Variants in CTNNA2 observed in about 807,000 individuals in gnomAD.
The protein encoded by CTNNA2 is catenin alpha-2.
In CTNNA2, 42 loss-of-function variants were observed where a neutral mutation model predicts 101.0. The observed-to-expected ratio is 0.42, with a 90% CI of 0.32 to 0.54. CTNNA2 has a LOEUF of 0.54. Among genes scored for constraint, CTNNA2 ranks in the 20% least tolerant of loss-of-function variants. The pLI, the probability that CTNNA2 is intolerant of heterozygous loss-of-function variation, is 0.14. For missense variants in CTNNA2, 871 were observed against 1,223.1 expected, an observed-to-expected ratio of 0.71 and a Z score of 4.29; for synonymous variants, 450 against 456.4, an observed-to-expected ratio of 0.99 and a Z score of 0.18.
At chr2:79,291,608 A>G (rs1408446907) in intron 2 of CTNNA2, among the ~76,000 whole-genome samples, 1 of 152,136 alleles carries the variant, frequency 6.6e-6, no homozygotes, top group African/African-American at 2.4e-5. Flanking sequence ...CTCAAACTTA[A>G]TAAGCTCCCA....
chr2:79,623,679 C>A (rs1679130877), intron 1 of CTNNA2, among the ~76,000 whole-genome samples: 1 of 151,960 alleles, frequency 6.6e-6, no homozygotes, highest in African/African-American at 2.4e-5. Context: ...AATTGATGTC[C>A]CCTATTTTAA....
intron 17 of CTNNA2, among the ~76,000 whole-genome samples, chr2:80,618,177 C>T (rs752435041): frequency 1.3e-5 from 2 of 151,756 alleles, no homozygotes; most frequent in Non-Finnish European, 2.9e-5. Context: ...GAAAACTAGA[C>T]TTGGTAAATA....
intron 7 of CTNNA2, among the ~76,000 whole-genome samples, chr2:80,245,308 T>C (rs2149097114): frequency 6.6e-6 from 1 of 152,354 alleles, no homozygotes; most frequent in East Asian, 1.9e-4. Context: ...ATTTAGGGCA[T>C]ATTCCTAATC....
At chr2:80,344,626 G>A (rs1034633515) in intron 7 of CTNNA2, among the ~76,000 whole-genome samples, 4 of 152,048 alleles carry the variant, frequency 2.6e-5, no homozygotes, top group East Asian at 1.9e-4. Flanking sequence ...CTGAGACCAT[G>A]GCCCTGCGCC....
intron 7 of CTNNA2, among the ~76,000 whole-genome samples, chr2:80,086,981 A>G (rs1699478241): frequency 6.6e-6 from 1 of 152,062 alleles, no homozygotes; most frequent in Admixed American, 6.6e-5. Context: ...TTTGAGGATT[A>G]CTAACAGAGC....
chr2:79,613,847 C>T (rs1378457256), intron 1 of CTNNA2, among the ~76,000 whole-genome samples: 4 of 152,176 alleles, frequency 2.6e-5, no homozygotes, highest in East Asian at 3.9e-4. Context: ...AATATGCGTG[C>T]GTGGATTATC....
intron 7 of CTNNA2, among the ~76,000 whole-genome samples, chr2:80,241,129 G>A (rs979801738): frequency 1.3e-5 from 2 of 152,072 alleles, no homozygotes; most frequent in African/African-American, 4.8e-5. Flanking sequence ...CACATTTAAA[G>A]GGCCAGTTGT....
intron 4 of CTNNA2, among the ~76,000 whole-genome samples, chr2:79,413,693 G>A (rs1429165287): frequency 1.3e-5 from 2 of 151,784 alleles, no homozygotes. Flanking sequence ...GTGTGCAAGG[G>A]TTCCCTTATC....
chr2:79,302,110 ATAAATAAG>A (rs1394027214), intron 2 of CTNNA2, among the ~76,000 whole-genome samples: 1 of 151,798 alleles, frequency 6.6e-6, no homozygotes, highest in Non-Finnish European at 1.5e-5. Context: ...AAATAAATAA[ATAAATAAG>A]TAAATAAATA....
At chr2:79,241,726 G>A (rs1674627776) in intron 2 of CTNNA2, among the ~76,000 whole-genome samples, 1 of 152,102 alleles carries the variant, frequency 6.6e-6, no homozygotes, top group Admixed American at 6.5e-5. Flanking sequence ...ATCAGTTCAT[G>A]TTCTTTGTAA....
chr2:80,588,765 T>G (rs1015364596), intron 14 of CTNNA2, among the ~76,000 whole-genome samples: 1 of 152,140 alleles, frequency 6.6e-6, no homozygotes, highest in Non-Finnish European at 1.5e-5. Context: ...TGGAGTGCCC[T>G]GGGCAGGGGA....
chr2:79,214,698 C>A (rs182181520), intron 2 of CTNNA2, among the ~76,000 whole-genome samples: 1 of 151,952 alleles, frequency 6.6e-6, no homozygotes, highest in African/African-American at 2.4e-5. Flanking sequence ...GCAAAGGAGG[C>A]TTTGGGTTGG....
intron 1 of CTNNA2, among the ~76,000 whole-genome samples, chr2:79,651,011 G>A (rs1242555895): frequency 6.6e-6 from 1 of 152,020 alleles, no homozygotes; most frequent in Non-Finnish European, 1.5e-5. Flanking sequence ...AAAAAGTCAG[G>A]AAACAACAGG....
At chr2:79,811,936 G>T (rs1051822128) in intron 3 of CTNNA2, among the ~76,000 whole-genome samples, 2 of 152,058 alleles carry the variant, frequency 1.3e-5, no homozygotes, top group Non-Finnish European at 1.5e-5. Context: ...CAGATCTTGT[G>T]TGTATTTCCT....
At position 79,657,374 on chromosome 2, in the gene CTNNA2, T is replaced by A. The variant is rs1343160466; in HGVS notation, c.102+5716T>A. ...AATCAGTTCCTAGAAAAAAATAAAT[T>A]ACTAAAATATTTTCAAGAGAAAGTA... On this transcript the variant is annotated intron_variant, in intron 2 of 18. Coordinates refer to ENST00000402739, the MANE Select transcript of CTNNA2 (RefSeq NM_001282597.3). 3.3e-5 allele frequency among the ~76,000 whole-genome samples: 5 copies of A among 151,832 alleles called. No homozygotes were observed. In the South Asian group the frequency reaches 8.3e-4, roughly 25 times the overall value.
chr2:79,908,808 A>G (rs1433699996), intron 6 of CTNNA2, among the ~76,000 whole-genome samples: 1 of 152,180 alleles, frequency 6.6e-6, no homozygotes, highest in Non-Finnish European at 1.5e-5. Context: ...ATCCCTATAA[A>G]GACTGTTATA....
At chr2:79,380,343 G>A (rs1302110184) in intron 4 of CTNNA2, among the ~76,000 whole-genome samples, 1 of 151,566 alleles carries the variant, frequency 6.6e-6, no homozygotes, top group Admixed American at 6.6e-5. Context: ...CCTGAAGGCA[G>A]CAGCATTACT....
In CTNNA2 at chr2:79,749,281, C is replaced by T. The variant is rs368465898; in HGVS notation, c.298+4699C>T. 9.9e-5 allele frequency among the ~76,000 whole-genome samples: 15 copies of T among 152,180 alleles called. No individual in the cohort carries two copies. The South Asian group carries it at 1.9e-3, about 19-fold the overall frequency. On this transcript the variant is annotated intron_variant, in intron 3 of 18. Transcript: ENST00000402739. ...TGCATCTGCCGTATGGGGTCATTCT[C>T]GGAGTATGCGTAAGTTTTTGCTCTC...
chr2:79,928,372 T>C (rs72807330), intron 7 of CTNNA2, among the ~76,000 whole-genome samples: 3,964 of 152,308 alleles, frequency 0.026, 57 homozygotes, highest in Non-Finnish European at 0.04. Context: ...GTAGATACTT[T>C]GGAACAGGAA....
Sources: allele counts gnomAD v4.1 joint callset (sites outside exome capture counted in the v4.1 genomes callset), GRCh38; gene constraint gnomAD v4.1.1; transcripts MANE v1.5; gene names NCBI Gene and HGNC (gene_info 2026-07-23, HGNC 2026-07-21).